Variants in ALKAL2 observed in about 807,000 individuals in gnomAD.
ALKAL2 encodes the protein AUG-alpha.
A neutral mutation model predicts 18.5 loss-of-function variants in ALKAL2; 8 were observed. The observed-to-expected ratio is 0.43, with a 90% CI of 0.25 to 0.78. The LOEUF is 0.78. Ranked by LOEUF, ALKAL2 falls within the 30% of genes least tolerant of loss-of-function variation. ALKAL2 has a pLI of 0.22. For missense variants in ALKAL2, 241 were observed against 211.2 expected (o/e 1.14, Z -0.88); for synonymous variants, 135 against 95.8 (o/e 1.41, Z -2.39).
rs1244253384 is a variant in ALKAL2, at chr2:282,351, A to G, written c.453+760T>C. On this transcript the variant is annotated intron_variant, in intron 5 of 5. Coordinates refer to ENST00000403610, the MANE Select transcript of ALKAL2 (RefSeq NM_001002919.3). ...ATGTGCTCCGGACAGCTATCAATGG[A>G]CAGGAAGCCTGTCTTTCTTGTGCTG... Among the ~76,000 whole-genome samples, 2 of 152,370 alleles carry G rather than the reference A, an allele frequency of 1.3e-5. 1 individual carries two copies. The highest frequency in any genetic ancestry group is 3.9e-4 in the East Asian group (2 of 5,188).
intron 4 of ALKAL2, chr2:283,610 CAA>C: frequency 1.0e-6 from 1 of 985,360 alleles, no homozygotes; most frequent in Non-Finnish European, 1.2e-6. Context: ...GAAAGTGGGT[CAA>C]AAGTCAGGCA....
intron 4 of ALKAL2, 30 bp from the exon 5 acceptor site, chr2:283,205 A>C: frequency 6.3e-7 from 1 of 1,578,098 alleles, no homozygotes; most frequent in South Asian, 1.2e-5. Flanking sequence ...GACTCTTGTC[A>C]GTTACTTAAA....
intron 4 of ALKAL2, among the ~76,000 whole-genome samples, chr2:285,517 G>A (rs1057074345): frequency 6.6e-6 from 1 of 152,128 alleles, no homozygotes; most frequent in Non-Finnish European, 1.5e-5. Flanking sequence ...AGAACAAGGA[G>A]CTACTTTTGG....
In ALKAL2 at chr2:287,571, G is replaced by A; in HGVS notation, c.253+12C>T. On this transcript the variant is annotated intron_variant, in intron 2 of 5. Coordinates refer to ENST00000403610, the MANE Select transcript of ALKAL2 (RefSeq NM_001002919.3). ...GCAGCCCCGGCCCTCGGGCGCGCTCGGCCCCACTCACCCACTCGCTGCTCC... is the reference window on the plus strand; with the variant it reads ...GCAGCCCCGGCCCTCGGGCGCGCTCAGCCCCACTCACCCACTCGCTGCTCC... The A allele has an allele frequency of 7.2e-7, 1 of 1,397,018 alleles. No individual in the cohort carries two copies. The allele number at this position is 1,397,018 out of a possible 1,614,324, so 86.5% of individuals were successfully genotyped here.
chr2:281,972 TTGAC>T (rs1353731419), intron 5 of ALKAL2, among the ~76,000 whole-genome samples: 1 of 152,184 alleles, frequency 6.6e-6, no homozygotes, highest in African/African-American at 2.4e-5. Flanking sequence ...CTTCCCAGCT[TTGAC>T]TGACATTGAC....
At chr2:286,467 AAAGACTGGGGCCCTGGATTGC>A in intron 2 of ALKAL2, 124 bp from the exon 3 acceptor site, 1 of 673,734 alleles carries the variant, frequency 1.5e-6, no homozygotes, top group Non-Finnish European at 2.6e-6. Context: ...ACAAAATAAA[AAAGACTGGGGCCCTGGATTGC>A]AACACACGAC....
intron 4 of ALKAL2, chr2:285,891 C>T (rs762059405): frequency 6.1e-6 from 3 of 491,986 alleles, no homozygotes; most frequent in Non-Finnish European, 1.1e-5. Flanking sequence ...TCAGCCCATC[C>T]CAAGAGCCTA....
chr2:279,831 A>G lies in ALKAL2; in HGVS notation c.*316T>C, dbSNP rs1319887394. The G allele has an allele frequency of 1.9e-5, 6 of 318,976 alleles. No homozygotes were observed. The highest frequency in any genetic ancestry group is 2.9e-5 in the Non-Finnish European group (5 of 174,272). 19.8% of individuals were successfully genotyped at this position (318,976 alleles called of 1,614,324 possible). A position where few individuals can be genotyped will look rare whatever the true frequency, so the allele number is the denominator to read the frequency against. On this transcript the variant is annotated 3_prime_UTR_variant, in exon 6 of 6. Coordinates refer to ENST00000403610, the MANE Select transcript of ALKAL2 (RefSeq NM_001002919.3). ...AGATTCTGCTTATGTTTCTAAAGAA[A>G]TATTTTTTGCGATTTCACCTAATGA...
chr2:281,249 T>C (rs1483567513), intron 5 of ALKAL2, among the ~76,000 whole-genome samples: 1 of 152,228 alleles, frequency 6.6e-6, no homozygotes, highest in Non-Finnish European at 1.5e-5. Context: ...GTTATGAAAT[T>C]ATAGTTAACA....
At chr2:283,284 A>G in intron 4 of ALKAL2, 109 bp from the exon 5 acceptor site, 1 of 1,491,418 alleles carries the variant, frequency 6.7e-7, no homozygotes, top group South Asian at 1.3e-5. Context: ...CAAATATCTG[A>G]ATTCCCTGGA....
intron 5 of ALKAL2, among the ~76,000 whole-genome samples, chr2:280,648 A>G (rs917019873): frequency 1.3e-5 from 2 of 152,240 alleles, no homozygotes; most frequent in African/African-American, 4.8e-5. Context: ...AGAGTACACC[A>G]TGTACTCACT....
rs939717201 is a variant in ALKAL2, at chr2:287,671, C to G, written c.165G>C (p.Glu55Asp). 2 of 1,484,694 alleles carry G rather than the reference C, an allele frequency of 1.3e-6. No homozygotes were observed. Among genetic ancestry groups the G allele is most frequent in the African/African-American group, 2.9e-5 (2 of 68,628 alleles). 92.0% of individuals were successfully genotyped at this position (1,484,694 alleles called of 1,614,324 possible). A position where few individuals can be genotyped will look rare whatever the true frequency, so the allele number is the denominator to read the frequency against. Reference sequence around the variant, plus strand: ...GCCCGAGGAGCTGCAGGCCCTTGTGCTCCGCCGAGTGGTGCTTCCGCAGCT... The same window carrying G: ...GCCCGAGGAGCTGCAGGCCCTTGTGGTCCGCCGAGTGGTGCTTCCGCAGCT... ...VQELRKHHSA[E>D]HKGLQLLGRD... is the part of the protein sequence containing the mutation. The change falls in exon 2 of 6, where the codon GAG (glutamate) becomes GAC (aspartate). Residue 55 changes from glutamate (E) to aspartate (D), a missense_variant. Transcript: ENST00000403610.
In ALKAL2 at chr2:279,908, T is replaced by C. The variant is rs1670280524; in HGVS notation, c.*239A>G. 1 of 504,010 alleles carries C rather than the reference T, an allele frequency of 2.0e-6. No individual in the cohort carries two copies. The highest frequency in any genetic ancestry group is 3.3e-5 in the Admixed American group (1 of 29,928). 31.2% of individuals were successfully genotyped at this position (504,010 alleles called of 1,614,324 possible). On this transcript the variant is annotated 3_prime_UTR_variant, in exon 6 of 6. Coordinates refer to ENST00000403610, the MANE Select transcript of ALKAL2 (RefSeq NM_001002919.3). ...AGCACTACACGTCAAATGTGGAGCATTCCTTTTGTGTTTTTTTTTTAAATA... is the reference window on the plus strand; with the variant it reads ...AGCACTACACGTCAAATGTGGAGCACTCCTTTTGTGTTTTTTTTTTAAATA...
At chr2:285,236 G>C (rs1670471334) in intron 4 of ALKAL2, among the ~76,000 whole-genome samples, 1 of 152,216 alleles carries the variant, frequency 6.6e-6, no homozygotes, top group Non-Finnish European at 1.5e-5. Context: ...ATTATTATTT[G>C]AAGTAATTTT....
At chr2:286,423 A>T (rs1670511180) in intron 2 of ALKAL2, 80 bp from the exon 3 acceptor site, 2 of 1,129,172 alleles carry the variant, frequency 1.8e-6, no homozygotes, top group Admixed American at 4.4e-5. Flanking sequence ...ATGTTGAAGA[A>T]AATTGGAGCT....
chr2:287,373 C>A (rs1486723988), intron 2 of ALKAL2: 1 of 409,080 alleles, frequency 2.4e-6, no homozygotes, highest in Non-Finnish European at 4.2e-6. Flanking sequence ...CCGCAGCTCA[C>A]GCGCGCCAGA....
At chr2:285,587 A>T (rs1313252318) in intron 4 of ALKAL2, among the ~76,000 whole-genome samples, 2 of 152,230 alleles carry the variant, frequency 1.3e-5, no homozygotes, top group African/African-American at 4.8e-5. Context: ...GACTGAAAAG[A>T]AACAGGAGAG....
chr2:286,383 C>T (rs769323966), intron 2 of ALKAL2, 40 bp from the exon 3 acceptor site: 4 of 1,486,460 alleles, frequency 2.7e-6, no homozygotes, highest in Non-Finnish European at 2.8e-6. Flanking sequence ...ACCTGAAGGA[C>T]GCATTTTTTA....
chr2:288,057 G>A lies in ALKAL2; in HGVS notation c.-102C>T. 5 of 1,211,384 alleles carry A rather than the reference G, an allele frequency of 4.1e-6. No homozygotes were observed. The highest frequency in any genetic ancestry group is 1.6e-5 in the African/African-American group (1 of 63,350). 75.0% of individuals were successfully genotyped at this position (1,211,384 alleles called of 1,614,324 possible). ...CAAGCCGGCAGGTGAGGGAGCCGCG[G>A]TCTCCTCGACGATCACGCCCGAGGT... is the stretch of plus-strand genomic sequence containing the variant. On this transcript the variant is annotated 5_prime_UTR_variant, in exon 1 of 6. Coordinates refer to ENST00000403610, the MANE Select transcript of ALKAL2 (RefSeq NM_001002919.3).
Sources: gnomAD v4.1 joint callset for allele counts (sites outside exome capture counted in the v4.1 genomes callset) on GRCh38, gnomAD v4.1.1 for gene constraint, MANE v1.5 for transcripts, NCBI Gene and HGNC (gene_info 2026-07-23, HGNC 2026-07-21) for gene names.